RMI1: variants seen among roughly 807,000 people sequenced by gnomAD.
The protein encoded by RMI1 is recQ-mediated genome instability protein 1.
A neutral mutation model predicts 46.7 loss-of-function variants in RMI1; 36 were observed. That is an observed-to-expected ratio of 0.77 (90% CI 0.59 to 1.02). RMI1 has a LOEUF of 1.02. Among genes scored for constraint, RMI1 ranks in the 50% least tolerant of loss-of-function variants. The pLI is 0.00. For synonymous variants in RMI1, 250 were observed against 252.9 expected (o/e 0.99, Z 0.11); for missense variants, 676 against 713.7 (o/e 0.95, Z 0.60).
intron 1 of RMI1, among the ~76,000 whole-genome samples, chr9:83,985,995 C>T (rs1002446148): frequency 6.6e-6 from 1 of 151,244 alleles, no homozygotes; most frequent in African/African-American, 2.4e-5. Context: ...GGCGACAGAG[C>T]AAGACTCCAA....
chr9:83,997,334 C>G (rs1461721642), intron 1 of RMI1, among the ~76,000 whole-genome samples: 3 of 151,854 alleles, frequency 2.0e-5, no homozygotes, highest in Admixed American at 6.6e-5. Flanking sequence ...TGGTCTCGAA[C>G]TCTCGACCTC....
At chr9:83,990,702 G>A (rs556301484) in intron 1 of RMI1, among the ~76,000 whole-genome samples, 22 of 152,282 alleles carry the variant, frequency 1.4e-4, no homozygotes, top group Admixed American at 7.2e-4. Context: ...CTGTATGTAT[G>A]TATCGGAATA....
intron 2 of RMI1, among the ~76,000 whole-genome samples, chr9:84,000,696 A>G (rs1957724132): frequency 6.6e-6 from 1 of 152,192 alleles, no homozygotes; most frequent in South Asian, 2.1e-4. Context: ...CTGGTTACAG[A>G]AGTTGAGAAT....
At chr9:83,981,248 G>A (rs1010352725) in intron 1 of RMI1, among the ~76,000 whole-genome samples, 15 of 152,218 alleles carry the variant, frequency 9.9e-5, no homozygotes, top group Admixed American at 7.2e-4. Flanking sequence ...TTTCCTCTTG[G>A]GTAATGGGAC....
At chr9:83,996,041 T>A (rs1957647652) in intron 1 of RMI1, among the ~76,000 whole-genome samples, 1 of 152,178 alleles carries the variant, frequency 6.6e-6, no homozygotes, top group Admixed American at 6.5e-5. Flanking sequence ...GTCTGCTGAT[T>A]GGTAGTAATT....
chr9:83,999,477 G>A (rs1957707772), intron 1 of RMI1, among the ~76,000 whole-genome samples: 2 of 152,128 alleles, frequency 1.3e-5, no homozygotes, highest in Non-Finnish European at 2.9e-5. Flanking sequence ...CACCAGAGAT[G>A]TACTCTTAAC....
chr9:83,981,948 T>C lies in RMI1; in HGVS notation c.-126+1057T>C, dbSNP rs56123740. ...CATTCTGGGAGGATACGTTAACACA[T>C]GCTGTTAGAACATAATGTCCGGGAT... is the stretch of plus-strand genomic sequence containing the variant. On this transcript the variant is annotated intron_variant, in intron 1 of 2. Coordinates refer to ENST00000445877, the MANE Select transcript of RMI1 (RefSeq NM_001358291.2). Among the ~76,000 whole-genome samples the C allele has an allele frequency of 4.3e-3, 649 of 152,318 alleles. 2 individuals are homozygous for C. The highest frequency in any genetic ancestry group is 7.3e-3 in the Non-Finnish European group (496 of 68,030).
At chr9:83,980,457 C>T (rs944143400), upstream of RMI1, 9 of 152,774 alleles carry the variant, frequency 5.9e-5, no homozygotes, top group Non-Finnish European at 8.8e-5. Flanking sequence ...GGAGCCCCAA[C>T]CCTTACCCGA....
At chr9:83,995,585 G>A (rs936997739) in intron 1 of RMI1, among the ~76,000 whole-genome samples, 2 of 151,846 alleles carry the variant, frequency 1.3e-5, no homozygotes, top group East Asian at 1.9e-4. Flanking sequence ...ATGCCACCAC[G>A]CCCGGCTAAT....
chr9:83,997,108 C>CT (rs35796088), intron 1 of RMI1, among the ~76,000 whole-genome samples: 2,571 of 60,420 alleles, frequency 0.043, 111 homozygotes, highest in Non-Finnish European at 0.056. Flanking sequence ...ACACCCCCCC[C>CT]TTTTTTTTTT....
chr9:84,001,807 C>G lies in RMI1; in HGVS notation c.821C>G (p.Ser274Cys). Residue 274 changes from serine to cysteine, a missense_variant, in exon 3 of 3, where the codon TCC becomes TGC. By Grantham distance (112) the Ser-to-Cys change is moderately radical (BLOSUM62 -1). Transcript: ENST00000445877. Reference protein sequence around the residue: ...SSERCFTTGSSSNTIPTRQSS... With the variant: ...SSERCFTTGSCSNTIPTRQSS... ...GAACGATGTTTCACCACAGGTAGTTCCTCAAATACCATTCCCACAAGACAG... is the reference window on the plus strand; with the variant it reads ...GAACGATGTTTCACCACAGGTAGTTGCTCAAATACCATTCCCACAAGACAG... The G allele has an allele frequency of 1.2e-6, 2 of 1,613,908 alleles. No homozygotes were observed. Among genetic ancestry groups the G allele is most frequent in the Non-Finnish European group, 1.7e-6 (2 of 1,179,864 alleles).
chr9:84,002,108 TG>T lies in RMI1; in HGVS notation c.1123del (p.Glu375LysfsTer8). 2 of 1,613,718 alleles carry T rather than the reference TG, an allele frequency of 1.2e-6. No individual in the cohort carries two copies. Among genetic ancestry groups the T allele is most frequent in the Non-Finnish European group, 1.7e-6 (2 of 1,179,884 alleles). On this transcript the variant is annotated frameshift_variant, in exon 3 of 3. Transcript: ENST00000445877. LOFTEE classifies it high-confidence loss of function. The part of the protein sequence containing the change: ...TCKNGNNNWS[E>X]KNVSEQMTNE... ...GCAAAAATGGAAACAATAATTGGAG[TG>T]AAAAAAATGTATCTGAACAAATGAC...
intron 1 of RMI1, among the ~76,000 whole-genome samples, chr9:83,994,591 A>G (rs1957623041): frequency 6.6e-6 from 1 of 152,122 alleles, no homozygotes; most frequent in Admixed American, 6.5e-5. Context: ...ACCATTGTCA[A>G]AGATTGACCA....
chr9:84,002,170 G>A lies in RMI1; in HGVS notation c.1184G>A (p.Arg395Lys), dbSNP rs1245294250. The A allele has an allele frequency of 1.2e-6, 2 of 1,613,674 alleles. No homozygotes were observed. The highest frequency in any genetic ancestry group is 2.2e-5 in the East Asian group (1 of 44,824). ...AAATCATTTGGTTGTCCATCTGTTA[G>A]AGACCAAAACAGGAGTATTTTTTCA... is the stretch of plus-strand genomic sequence containing the variant. The part of the protein sequence containing the change: ...EDKSFGCPSV[R>K]DQNRSIFSVH... The change falls in exon 3 of 3, where the codon AGA becomes AAA. Residue 395 changes from arginine (R) to lysine (K), a missense_variant. Coordinates refer to ENST00000445877, the MANE Select transcript of RMI1 (RefSeq NM_001358291.2).
chr9:83,991,889 A>G (rs1957580284), intron 1 of RMI1, among the ~76,000 whole-genome samples: 1 of 152,138 alleles, frequency 6.6e-6, no homozygotes, highest in South Asian at 2.1e-4. Flanking sequence ...TTGTAGTTTT[A>G]TATGAAGTGT....
In RMI1 at chr9:84,003,036, A is replaced by G. The variant is rs931294678; in HGVS notation, c.*172A>G. 8.3e-6 allele frequency: 4 copies of G among 484,802 alleles called. No individual in the cohort carries two copies. Among genetic ancestry groups the G allele is most frequent in the African/African-American group, 6.5e-5 (3 of 45,894 alleles). The allele number at this position is 484,802 out of a possible 1,614,324, so 30.0% of individuals were successfully genotyped here. A position where few individuals can be genotyped will look rare whatever the true frequency, so the allele number is the denominator to read the frequency against. On this transcript the variant is annotated 3_prime_UTR_variant, in exon 3 of 3. Coordinates refer to ENST00000445877, the MANE Select transcript of RMI1 (RefSeq NM_001358291.2). ...TTTGTTATATGTGGAGCTTTTGAAA[A>G]TAAGTTAATCTTTTTTTTTTTTTTT...
intron 1 of RMI1, among the ~76,000 whole-genome samples, chr9:83,993,848 C>T (rs1957610328): frequency 6.6e-6 from 1 of 152,044 alleles, no homozygotes; most frequent in Non-Finnish European, 1.5e-5. Context: ...AGTGCAGTCG[C>T]ACACTTACGG....
chr9:84,000,616 A>G (rs1193596078), intron 2 of RMI1, among the ~76,000 whole-genome samples: 2 of 152,250 alleles, frequency 1.3e-5, no homozygotes, highest in Non-Finnish European at 2.9e-5. Context: ...CTTTACAAAT[A>G]TAATTCATGT....
intron 1 of RMI1, among the ~76,000 whole-genome samples, chr9:83,991,661 A>C (rs983500653): frequency 4.6e-5 from 7 of 152,218 alleles, no homozygotes; most frequent in Non-Finnish European, 7.3e-5. Flanking sequence ...CCAAGGTCAC[A>C]AAGATTTTTT....
Sources: allele counts gnomAD v4.1 joint callset (sites outside exome capture counted in the v4.1 genomes callset), GRCh38; gene constraint gnomAD v4.1.1; transcripts MANE v1.5; gene names NCBI Gene and HGNC (gene_info 2026-07-23, HGNC 2026-07-21).